The following DMXL2 variants were observed in gnomAD, a reference collection of about 807,000 sequenced individuals.
The protein encoded by DMXL2 is dmX-like protein 2.
DMXL2 carries 103 observed loss-of-function variants against 331.1 expected under a neutral mutation model. That is an observed-to-expected ratio of 0.31 (90% CI 0.27 to 0.37). The LOEUF is 0.37. Ranked by LOEUF, DMXL2 falls within the 10% of genes least tolerant of loss-of-function variation. DMXL2 has a pLI of 1.00. For synonymous variants in DMXL2, 1,281 were observed against 1,252.1 expected, an observed-to-expected ratio of 1.02 and a Z score of -0.49; for missense variants, 3,171 against 3,642.9, an observed-to-expected ratio of 0.87 and a Z score of 3.33.
chr15:51,557,841 C>A (rs927330301), intron 6 of DMXL2, among the ~76,000 whole-genome samples: 2 of 152,192 alleles, frequency 1.3e-5, no homozygotes, highest in African/African-American at 4.8e-5. Context: ...TAAAACTTGA[C>A]CTTCTTCAAA....
chr15:51,520,915 C>T (rs1201463591), intron 13 of DMXL2, among the ~76,000 whole-genome samples: 3 of 151,952 alleles, frequency 2.0e-5, no homozygotes, highest in Non-Finnish European at 4.4e-5. Context: ...CATAAAGACA[C>T]CTACAAAGCA....
chr15:51,597,844 T>C (rs1245430352), intron 1 of DMXL2, among the ~76,000 whole-genome samples: 1 of 152,232 alleles, frequency 6.6e-6, no homozygotes, highest in Non-Finnish European at 1.5e-5. Context: ...CTGTTAGGTA[T>C]ATAATAGAAT....
At chr15:51,591,045 G>A (rs1244284995) in intron 1 of DMXL2, among the ~76,000 whole-genome samples, 1 of 152,176 alleles carries the variant, frequency 6.6e-6, no homozygotes, top group East Asian at 1.9e-4. Context: ...TCCAACTGAG[G>A]TACCGGGTTC....
intron 13 of DMXL2, among the ~76,000 whole-genome samples, chr15:51,532,491 ATAATT>A: frequency 6.6e-6 from 1 of 152,320 alleles, no homozygotes; most frequent in South Asian, 2.1e-4. Context: ...ACTATAGTCA[ATAATT>A]TAATTGCTCA....
chr15:51,533,678 C>T (rs193062601), intron 13 of DMXL2, among the ~76,000 whole-genome samples: 53 of 152,236 alleles, frequency 3.5e-4, no homozygotes, highest in African/African-American at 1.2e-3. Context: ...TGACTTTCTT[C>T]GTTGACTGCA....
Position 51,622,630 on chromosome 15 carries a change from C to T in DMXL2, c.-85G>A. ...TCCTCGGGCTGCGAGAGCCGTTTCC[C>T]TCTGTGCCTCCCTCGGAAACCCGCC... is the stretch of plus-strand genomic sequence containing the variant. On this transcript the variant is annotated 5_prime_UTR_variant, in exon 1 of 44. Transcript: ENST00000560891. 6.8e-7 allele frequency: 1 copy of T among 1,468,202 alleles called. No homozygotes were observed. Among genetic ancestry groups the T allele is most frequent in the Non-Finnish European group, 9.1e-7 (1 of 1,104,792 alleles). 90.9% of individuals were successfully genotyped at this position (1,468,202 alleles called of 1,614,324 possible).
chr15:51,614,822 G>A (rs1407553454), intron 1 of DMXL2, among the ~76,000 whole-genome samples: 1 of 152,058 alleles, frequency 6.6e-6, no homozygotes, highest in Non-Finnish European at 1.5e-5. Context: ...TGGAATAAGG[G>A]GCTAACAAGA....
rs1042819832 is a variant in DMXL2, at chr15:51,491,648, G to A, written c.4883C>T (p.Ser1628Phe). ...PAIQRGDPQWSELRAMGIGWW... is the reference protein window; with the variant it reads ...PAIQRGDPQWFELRAMGIGWW... The stretch of plus-strand genomic sequence containing the variant: ...TCCTATGCCCATAGCTCTTAATTCA[G>A]ACCACTGGGGGTCCCCTCTCTGAAT... Residue 1628 changes from serine to phenylalanine, a missense_variant, in exon 20 of 44, where the codon TCT becomes TTT. This residue lies in a region of DMXL2 where 252 missense variants were observed against 387.4 expected (regional missense o/e 0.65). Transcript: ENST00000560891. 1 of 1,613,484 alleles carries A rather than the reference G, an allele frequency of 6.2e-7. No homozygotes were observed. The highest frequency in any genetic ancestry group is 1.3e-5 in the African/African-American group (1 of 74,826).
At chr15:51,591,620 C>G (rs1484458364) in intron 1 of DMXL2, among the ~76,000 whole-genome samples, 2 of 152,214 alleles carry the variant, frequency 1.3e-5, no homozygotes, top group African/African-American at 2.4e-5. Context: ...TGAGAACGGA[C>G]AGACTGCCTC....
chr15:51,616,951 A>T (rs1336892725), intron 1 of DMXL2, among the ~76,000 whole-genome samples: 1 of 151,576 alleles, frequency 6.6e-6, no homozygotes, highest in African/African-American at 2.4e-5. Context: ...AAAAAAAAAA[A>T]AAAAAAAAAC....
At chr15:51,543,963 A>C (rs988449351) in intron 8 of DMXL2, among the ~76,000 whole-genome samples, 1 of 152,212 alleles carries the variant, frequency 6.6e-6, no homozygotes. Flanking sequence ...AACACGTTAC[A>C]TAAGTATAAG....
At chr15:51,549,596 T>G (rs1186716753) in intron 6 of DMXL2, among the ~76,000 whole-genome samples, 1 of 152,176 alleles carries the variant, frequency 6.6e-6, no homozygotes, top group Non-Finnish European at 1.5e-5. Flanking sequence ...AGTGTTCCCT[T>G]TATACCACAT....
intron 1 of DMXL2, among the ~76,000 whole-genome samples, chr15:51,621,746 TA>T (rs145394721): frequency 6.6e-6 from 1 of 151,724 alleles, no homozygotes; most frequent in Non-Finnish European, 1.5e-5. Flanking sequence ...CTTACTATAT[TA>T]AAAAAAAGGC....
chr15:51,450,381 C>A, intron 42 of DMXL2, 35 bp from the exon 43 acceptor site: 1 of 1,599,716 alleles, frequency 6.3e-7, no homozygotes, highest in Non-Finnish European at 8.6e-7. Flanking sequence ...TTTCTCAAAA[C>A]AATTTCTTGT....
intron 20 of DMXL2, among the ~76,000 whole-genome samples, chr15:51,489,720 T>C (rs1011139672): frequency 6.6e-6 from 1 of 152,134 alleles, no homozygotes; most frequent in Admixed American, 6.6e-5. Context: ...CAATACTCTT[T>C]TCCCTTCCCC....
intron 28 of DMXL2, among the ~76,000 whole-genome samples, chr15:51,471,650 T>C (rs1039107280): frequency 6.6e-6 from 1 of 152,206 alleles, no homozygotes; most frequent in Admixed American, 6.5e-5. Flanking sequence ...AGTAATTCTA[T>C]ATAAAATACA....
intron 3 of DMXL2, among the ~76,000 whole-genome samples, chr15:51,565,980 G>A (rs1232897614): frequency 6.6e-6 from 1 of 152,140 alleles, no homozygotes; most frequent in African/African-American, 2.4e-5. Flanking sequence ...GGCCATGACA[G>A]GAGGATTGCT....
At chr15:51,613,750 T>C (rs2054121169) in intron 1 of DMXL2, among the ~76,000 whole-genome samples, 1 of 152,100 alleles carries the variant, frequency 6.6e-6, no homozygotes, top group African/African-American at 2.4e-5. Context: ...TATATAAAAT[T>C]TGTCCAGCAT....
At position 51,466,279 on chromosome 15, in the gene DMXL2, T is replaced by C. The variant is rs1039722755; in HGVS notation, c.7425A>G (p.Ile2475Met). The C allele has an allele frequency of 2.0e-6, 3 of 1,511,032 alleles. No homozygotes were observed. Among genetic ancestry groups the C allele is most frequent in the African/African-American group, 1.4e-5 (1 of 70,590 alleles). The allele number at this position is 1,511,032 out of a possible 1,614,324, so 93.6% of individuals were successfully genotyped here. A position where few individuals can be genotyped will look rare whatever the true frequency, so the allele number is the denominator to read the frequency against. ...TATGAATGCTTTCATCAGAATCATA[T>C]ATAACACCACTATCAGACAAAGGAA... ...PFLPLSDSGVIYDSDESIHSD... is the reference protein window; with the variant it reads ...PFLPLSDSGVMYDSDESIHSD... Residue 2475 changes from isoleucine to methionine, a missense_variant, in exon 30 of 44, where the codon ATA (isoleucine) becomes ATG (methionine). This residue lies in a region of DMXL2 where 766 missense variants were observed against 940.5 expected (regional missense o/e 0.81). Transcript: ENST00000560891.
Sources: gnomAD v4.1 joint callset for allele counts (sites outside exome capture counted in the v4.1 genomes callset) on GRCh38, gnomAD v4.1.1 for gene constraint, gnomAD v4.1.1 regional missense constraint, MANE v1.5 for transcripts, NCBI Gene and HGNC (gene_info 2026-07-23, HGNC 2026-07-21) for gene names.